Variants in AKAP6 observed in about 807,000 individuals in gnomAD.
The protein encoded by AKAP6 is A-kinase anchoring protein 6, also known as A-kinase anchor protein 6.
AKAP6 carries 58 observed loss-of-function variants against 188.5 expected under a neutral mutation model. That is an observed-to-expected ratio of 0.31 (90% CI 0.25 to 0.38). The LOEUF is 0.38. AKAP6 is among the 10% of genes least tolerant of loss of function. The pLI is 1.00. For missense variants in AKAP6, 2,710 were observed against 2,740.0 expected (o/e 0.99, Z 0.24); for synonymous variants, 989 against 998.6 (o/e 0.99, Z 0.18).
At chr14:32,741,623 A>G (rs2031678221) in intron 11 of AKAP6, among the ~76,000 whole-genome samples, 1 of 151,924 alleles carries the variant, frequency 6.6e-6, no homozygotes, top group Admixed American at 6.6e-5. Context: ...AAAGGATCAT[A>G]TGGTTTTTAT....
At chr14:32,729,149 C>G (rs1450546662) in intron 9 of AKAP6, among the ~76,000 whole-genome samples, 4 of 152,086 alleles carry the variant, frequency 2.6e-5, no homozygotes, top group African/African-American at 7.2e-5. Context: ...TTGAGTTGCT[C>G]AATGTGTGCC....
At chr14:32,384,792 G>A (rs905238606) in intron 1 of AKAP6, among the ~76,000 whole-genome samples, 4 of 152,076 alleles carry the variant, frequency 2.6e-5, no homozygotes, top group East Asian at 3.9e-4. Flanking sequence ...CACTGGCAAG[G>A]TGTGAAGTGT....
At chr14:32,592,624 G>A (rs1253180271) in intron 5 of AKAP6, among the ~76,000 whole-genome samples, 1 of 152,116 alleles carries the variant, frequency 6.6e-6, no homozygotes, top group Non-Finnish European at 1.5e-5. Context: ...TCATGCTCAG[G>A]GCCTGGGTCT....
At chr14:32,515,108 A>G (rs776051116) in intron 2 of AKAP6, among the ~76,000 whole-genome samples, 2 of 152,226 alleles carry the variant, frequency 1.3e-5, no homozygotes, top group Non-Finnish European at 2.9e-5. Context: ...TCAGTTCCAC[A>G]TGGCTGGGAG....
intron 2 of AKAP6, chr14:32,439,139 T>C (rs1890483713): frequency 6.6e-6 from 1 of 152,220 alleles, no homozygotes; most frequent in Non-Finnish European, 1.5e-5. Flanking sequence ...ACAGAGACTC[T>C]GTTTACAAGA....
intron 7 of AKAP6, among the ~76,000 whole-genome samples, chr14:32,641,809 T>G (rs1023565002): frequency 6.6e-6 from 1 of 152,126 alleles, no homozygotes; most frequent in Non-Finnish European, 1.5e-5. Context: ...AAAAATTCCA[T>G]CTAAGGAAAA....
chr14:32,663,471 A>T (rs894215554), intron 7 of AKAP6, among the ~76,000 whole-genome samples: 5 of 152,056 alleles, frequency 3.3e-5, no homozygotes, highest in Non-Finnish European at 1.5e-5. Flanking sequence ...AGGACAGAGG[A>T]GTCCTGTGTA....
In AKAP6 at chr14:32,710,347, T is replaced by C. The variant is rs564920338; in HGVS notation, c.3000+14237T>C. ...ACAATATGACAGTTTCCTTGGCTTA[T>C]TGTTGTATATGTGGCTATCTATTTT... On this transcript the variant is annotated intron_variant, in intron 9 of 13. Transcript: ENST00000280979. 1.2e-3 allele frequency among the ~76,000 whole-genome samples: 185 copies of C among 152,214 alleles called. No individual in the cohort carries two copies. In the Middle Eastern group the frequency reaches 0.014, roughly 11 times the overall value.
chr14:32,403,600 A>T (rs148125369), intron 1 of AKAP6, among the ~76,000 whole-genome samples: 1 of 152,340 alleles, frequency 6.6e-6, no homozygotes, highest in African/African-American at 2.4e-5. Flanking sequence ...TGGGCAAATA[A>T]CTTAAACCTT....
At chr14:32,536,590 A>G (rs1169677017) in intron 3 of AKAP6, among the ~76,000 whole-genome samples, 1 of 152,192 alleles carries the variant, frequency 6.6e-6, no homozygotes, top group Non-Finnish European at 1.5e-5. Flanking sequence ...CCCATGATTC[A>G]TGTTTTAGAA....
chr14:32,618,089 G>A (rs1886657958), intron 7 of AKAP6, among the ~76,000 whole-genome samples: 1 of 151,886 alleles, frequency 6.6e-6, no homozygotes. Flanking sequence ...ACTTTTTAAT[G>A]CAAAATATTT....
At chr14:32,640,882 A>G (rs1887725873) in intron 7 of AKAP6, among the ~76,000 whole-genome samples, 2 of 152,344 alleles carry the variant, frequency 1.3e-5, no homozygotes, top group South Asian at 2.1e-4. Context: ...AAACAAAGAA[A>G]TATACAAACA....
chr14:32,479,553 T>C (rs8014051), intron 2 of AKAP6, among the ~76,000 whole-genome samples: 39,083 of 152,114 alleles, frequency 0.26, 5,471 homozygotes, highest in Middle Eastern at 0.3. Flanking sequence ...GGCCTATATA[T>C]TTATTTTTCT....
rs1428542703 is a variant in AKAP6 at position 32,568,139 on chromosome 14, G to A, written c.2347-8981G>A. On this transcript the variant is annotated intron_variant, in intron 4 of 13. Transcript: ENST00000280979. The surrounding 1 kb of genome is among the most constrained non-coding windows in gnomAD (Gnocchi z 6.2). The stretch of plus-strand genomic sequence containing the variant: ...TAGGAATGATTGAACTGTGACAAGA[G>A]CTGGGGTTCTCAGAGAAGCTTGGAA... Among the ~76,000 whole-genome samples, 1 of 152,204 alleles carries A rather than the reference G, an allele frequency of 6.6e-6. No homozygotes were observed. The highest frequency in any genetic ancestry group is 1.5e-5 in the Non-Finnish European group (1 of 68,036).
intron 2 of AKAP6, among the ~76,000 whole-genome samples, chr14:32,453,134 G>A (rs1005541710): frequency 6.6e-6 from 1 of 152,202 alleles, no homozygotes; most frequent in African/African-American, 2.4e-5. Context: ...CAATATGAAT[G>A]TAGGATTTTC....
intron 1 of AKAP6, among the ~76,000 whole-genome samples, chr14:32,424,085 T>C (rs1333527892): frequency 6.6e-6 from 1 of 152,180 alleles, no homozygotes; most frequent in Non-Finnish European, 1.5e-5. Context: ...CTTGGAAAAG[T>C]GGATGTTGAT....
intron 9 of AKAP6, among the ~76,000 whole-genome samples, chr14:32,700,510 A>G (rs1890577935): frequency 6.6e-6 from 1 of 152,206 alleles, no homozygotes; most frequent in African/African-American, 2.4e-5. Context: ...CATGGGCTGC[A>G]TAACAAGATT....
chr14:32,521,214 A>G (rs1249800326), intron 2 of AKAP6, among the ~76,000 whole-genome samples: 8 of 152,152 alleles, frequency 5.3e-5, no homozygotes, highest in Non-Finnish European at 1.0e-4. Flanking sequence ...TTTATGATAA[A>G]CTCACAGCCA....
intron 8 of AKAP6, among the ~76,000 whole-genome samples, chr14:32,687,183 T>G (rs571052155): frequency 6.6e-6 from 1 of 152,248 alleles, no homozygotes; most frequent in South Asian, 2.1e-4. Context: ...CAAAGAGAAG[T>G]GATATTGACA....
Sources: gnomAD v4.1 joint callset for allele counts (sites outside exome capture counted in the v4.1 genomes callset) on GRCh38, gnomAD v4.1.1 for gene constraint, Gnocchi (gnomAD v3.1) non-coding constraint, MANE v1.5 for transcripts, NCBI Gene and HGNC (gene_info 2026-07-23, HGNC 2026-07-21) for gene names.